The following HDAC9 variants were observed in gnomAD, a reference collection of about 807,000 sequenced individuals.
HDAC9 encodes MEF-2 interacting transcription repressor (MITR) protein.
A neutral mutation model predicts 139.4 loss-of-function variants in HDAC9; 41 were observed. The ratio of observed to expected loss-of-function variants is 0.29; its 90% CI spans 0.23 to 0.38. The LOEUF (loss-of-function observed/expected upper bound fraction) is 0.38, where lower values mean the gene tolerates loss of function less well. Ranked by LOEUF, HDAC9 falls within the 10% of genes least tolerant of loss-of-function variation. The probability of loss-of-function intolerance (pLI) is 1.00; values close to 1 mark genes in which losing one functional copy is unlikely to be tolerated. For missense variants in HDAC9, 1,147 were observed against 1,297.0 expected, an observed-to-expected ratio of 0.88 and a Z score of 1.78; for synonymous variants, 517 against 476.2, an observed-to-expected ratio of 1.09 and a Z score of -1.12.
intron 1 of HDAC9, among the ~76,000 whole-genome samples, chr7:18,336,175 A>T (rs1430900115): frequency 6.6e-6 from 1 of 151,620 alleles, no homozygotes; most frequent in Non-Finnish European, 1.5e-5. Context: ...CATTTACAAG[A>T]TAGAAATTAA....
intron 1 of HDAC9, among the ~76,000 whole-genome samples, chr7:18,300,547 G>T (rs1178823513): frequency 6.6e-6 from 1 of 151,746 alleles, no homozygotes; most frequent in African/African-American, 2.4e-5. Flanking sequence ...TTAACAATAT[G>T]TTAATTATAT....
At chr7:18,670,995 G>A (rs1795642732) in intron 12 of HDAC9, among the ~76,000 whole-genome samples, 1 of 151,972 alleles carries the variant, frequency 6.6e-6, no homozygotes. Context: ...CCGGTCCTAG[G>A]AGGGACTGAA....
chr7:18,238,782 A>G (rs551078958), intron 2 of HDAC9, among the ~76,000 whole-genome samples: 17 of 152,334 alleles, frequency 1.1e-4, no homozygotes, highest in South Asian at 4.1e-4. Context: ...AGCACACTTG[A>G]AGGAAAACCA....
intron 1 of HDAC9, among the ~76,000 whole-genome samples, chr7:18,468,869 G>T (rs999513364): frequency 6.6e-6 from 1 of 152,108 alleles, no homozygotes; most frequent in Non-Finnish European, 1.5e-5. Flanking sequence ...CCAGACTGTG[G>T]TATAAGTACA....
At chr7:18,694,896 G>A (rs998726979) in intron 12 of HDAC9, among the ~76,000 whole-genome samples, 1 of 152,150 alleles carries the variant, frequency 6.6e-6, no homozygotes, top group African/African-American at 2.4e-5. Flanking sequence ...AAATGTGTTG[G>A]ATATTTCCTC....
At chr7:18,894,259 A>G (rs1429823048) in intron 22 of HDAC9, among the ~76,000 whole-genome samples, 1 of 152,154 alleles carries the variant, frequency 6.6e-6, no homozygotes, top group Non-Finnish European at 1.5e-5. Context: ...AGCCCAGATG[A>G]GATCACCTAG....
chr7:18,874,206 A>G (rs1799145451), intron 21 of HDAC9, among the ~76,000 whole-genome samples: 1 of 150,820 alleles, frequency 6.6e-6, no homozygotes, highest in Admixed American at 6.6e-5. Context: ...GTGTAATATG[A>G]TGGGCTTTAG....
intron 24 of HDAC9, among the ~76,000 whole-genome samples, chr7:18,965,997 CTGTT>C (rs929873855): frequency 1.8e-4 from 28 of 152,270 alleles, no homozygotes; most frequent in Admixed American, 1.6e-3. Context: ...CATCCAGATA[CTGTT>C]TGTTTCAGAT....
At chr7:18,412,069 C>T (rs1283763932) in intron 1 of HDAC9, among the ~76,000 whole-genome samples, 4 of 151,844 alleles carry the variant, frequency 2.6e-5, no homozygotes, top group Admixed American at 2.6e-4. Flanking sequence ...CTCAAATGAT[C>T]CGCTTGCCTT....
chr7:18,992,500 T>C (rs1233841432), intron 25 of HDAC9, among the ~76,000 whole-genome samples: 1 of 152,314 alleles, frequency 6.6e-6, no homozygotes, highest in Admixed American at 6.5e-5. Context: ...TAACAGGCAT[T>C]GTATTGCTTG....
rs1462760803 is a variant in HDAC9 at position 18,921,485 on chromosome 7, C to T, written c.2804-14324C>T. ...AAAACACACATGAAAAAATGCTCAT[C>T]ATCACTGGCCATCAGAGAAATGCAA... On this transcript the variant is annotated intron_variant, in intron 22 of 25. Coordinates refer to ENST00000686413, the MANE Select transcript of HDAC9 (RefSeq NM_178425.4). Among the ~76,000 whole-genome samples, 3 of 152,296 alleles carry T rather than the reference C, an allele frequency of 2.0e-5. No individual in the cohort carries two copies. The East Asian group carries it at 5.8e-4, about 29-fold the overall frequency.
intron 1 of HDAC9, among the ~76,000 whole-genome samples, chr7:18,398,180 A>G (rs1009832014): frequency 1.3e-5 from 2 of 152,196 alleles, no homozygotes; most frequent in African/African-American, 4.8e-5. Context: ...CAACTGCTTC[A>G]AAGGGCTGTC....
chr7:18,626,447 A>C (rs1171040310), intron 6 of HDAC9, among the ~76,000 whole-genome samples: 1 of 152,200 alleles, frequency 6.6e-6, no homozygotes, highest in Admixed American at 6.5e-5. Context: ...GTTGGGGGGA[A>C]AATGAAGAAA....
At chr7:18,324,938 A>G (rs1800320178) in intron 1 of HDAC9, among the ~76,000 whole-genome samples, 1 of 152,146 alleles carries the variant, frequency 6.6e-6, no homozygotes, top group African/African-American at 2.4e-5. Flanking sequence ...TTTCTCTCTA[A>G]TAAGGTATGA....
chr7:18,585,520 A>G lies in HDAC9; in HGVS notation c.262A>G (p.Lys88Glu). 6.2e-7 allele frequency: 1 copy of G among 1,613,110 alleles called. No homozygotes were observed. The highest frequency in any genetic ancestry group is 8.5e-7 in the Non-Finnish European group (1 of 1,179,460). Residue 88 changes from lysine (K) to glutamate (E), a missense_variant and splice_region_variant, in exon 3 of 26, where the codon AAG (lysine) becomes GAG (glutamate). By Grantham distance (56) the Lys-to-Glu change is moderately conservative. This residue lies in a region of HDAC9 where 136 missense variants were observed against 183.5 expected (regional missense o/e 0.74). Transcript: ENST00000686413. ...QHQAQLQEHI[K>E]LQQELLAIKQ... Reference sequence around the variant, plus strand: ...CCAGGCTCAGCTTCAGGAGCATATCAAGGTAGCAAATGCTTCTTTGTCTGT... The same window carrying G: ...CCAGGCTCAGCTTCAGGAGCATATCGAGGTAGCAAATGCTTCTTTGTCTGT...
chr7:18,165,188 A>C (rs1178355), intron 2 of HDAC9, among the ~76,000 whole-genome samples: 65,507 of 151,962 alleles, frequency 0.43, 16,050 homozygotes, highest in African/African-American at 0.67. Context: ...TAGCATTTTC[A>C]AAACATGTCA....
chr7:18,296,708 T>C lies in HDAC9; in HGVS notation c.-42+6193T>C, dbSNP rs1322655256. Among the ~76,000 whole-genome samples, 6 of 152,202 alleles carry C rather than the reference T, an allele frequency of 3.9e-5. No homozygotes were observed. In the East Asian group the frequency reaches 1.2e-3, roughly 29 times the overall value. On this transcript the variant is annotated intron_variant, in intron 1 of 3. Transcript: ENST00000413509. ...GAAAAAATAAAACAAACTCAATGGC[T>C]ATTTGAGAAATGCAGACACATGGCT... is the stretch of plus-strand genomic sequence containing the variant.
intron 1 of HDAC9, among the ~76,000 whole-genome samples, chr7:18,342,693 C>G (rs1212506652): frequency 1.3e-5 from 2 of 151,806 alleles, no homozygotes; most frequent in Non-Finnish European, 2.9e-5. Context: ...TGGTATAAAT[C>G]ACTGAATAGA....
chr7:18,799,413 A>G (rs1194972850), intron 17 of HDAC9, among the ~76,000 whole-genome samples: 2 of 152,214 alleles, frequency 1.3e-5, no homozygotes, highest in African/African-American at 4.8e-5. Context: ...ACACAGAGGA[A>G]AAACAAATCA....
Sources: allele counts gnomAD v4.1 joint callset (sites outside exome capture counted in the v4.1 genomes callset), GRCh38; gene constraint gnomAD v4.1.1; regional missense constraint gnomAD v4.1.1; transcripts MANE v1.5; gene names NCBI Gene and HGNC (gene_info 2026-07-23, HGNC 2026-07-21).